N4BP2: variants seen among roughly 807,000 people sequenced by gnomAD.
N4BP2 encodes the protein NEDD4 binding protein 2, also known as NEDD4-binding protein 2.
A neutral mutation model predicts 152.8 loss-of-function variants in N4BP2; 91 were observed. That is an observed-to-expected ratio of 0.60 (90% CI 0.50 to 0.71). The LOEUF is 0.71. Ranked by LOEUF, N4BP2 falls within the 30% of genes least tolerant of loss-of-function variation. The pLI, the probability that N4BP2 is intolerant of heterozygous loss-of-function variation, is 0.00. For synonymous variants in N4BP2, 646 were observed against 705.3 expected (o/e 0.92, Z 1.33); for missense variants, 1,923 against 2,059.1 (o/e 0.93, Z 1.28).
intron 2 of N4BP2, among the ~76,000 whole-genome samples, chr4:40,086,558 G>A (rs1287146172): frequency 4.6e-5 from 7 of 151,644 alleles, no homozygotes; most frequent in East Asian, 1.9e-4. Context: ...GGCTGGTTTC[G>A]AATGCCTGAC....
At chr4:40,147,542 G>T (rs1382594347) in intron 16 of N4BP2, among the ~76,000 whole-genome samples, 1 of 146,482 alleles carries the variant, frequency 6.8e-6, no homozygotes. Context: ...GGGCAGAGGC[G>T]CCCCCCACCT....
At chr4:40,171,630 G>A in the N4BP2 span, among the ~76,000 whole-genome samples, 4 of 152,102 alleles carry the variant, frequency 2.6e-5, no homozygotes, top group Non-Finnish European at 5.9e-5. Context: ...TTCTCTAGAA[G>A]GACAGAACTA....
At chr4:40,153,933 T>A (rs1345790490) in intron 17 of N4BP2, among the ~76,000 whole-genome samples, 1 of 152,140 alleles carries the variant, frequency 6.6e-6, no homozygotes, top group Non-Finnish European at 1.5e-5. Flanking sequence ...AAAGGTAAAA[T>A]TCAGGCCTCA....
intron 16 of N4BP2, among the ~76,000 whole-genome samples, chr4:40,148,807 TC>T (rs1720866499): frequency 6.6e-6 from 1 of 152,152 alleles, no homozygotes; most frequent in African/African-American, 2.4e-5. Context: ...CTGTGCCTGG[TC>T]CCCTTTTTAT....
At chr4:40,097,938 C>CG (rs1273362954) in intron 3 of N4BP2, among the ~76,000 whole-genome samples, 1 of 152,146 alleles carries the variant, frequency 6.6e-6, no homozygotes, top group Admixed American at 6.5e-5. Context: ...GGCCTGTACA[C>CG]GCTAGATGCC....
At chr4:40,150,980 A>G (rs1721103437) in intron 16 of N4BP2, among the ~76,000 whole-genome samples, 1 of 152,202 alleles carries the variant, frequency 6.6e-6, no homozygotes, top group South Asian at 2.1e-4. Flanking sequence ...GTACTGAAAT[A>G]TTTGCAGTTG....
At chr4:40,071,762 C>T (rs377583496) in intron 1 of N4BP2, among the ~76,000 whole-genome samples, 13 of 152,116 alleles carry the variant, frequency 8.5e-5, no homozygotes, top group African/African-American at 2.4e-4. Context: ...GACGAAGTTT[C>T]GCCATATTGG....
chr4:40,096,382 G>A (rs1053917375), intron 2 of N4BP2, among the ~76,000 whole-genome samples: 2 of 152,178 alleles, frequency 1.3e-5, no homozygotes, highest in Non-Finnish European at 2.9e-5. Context: ...GAACCAAGGT[G>A]TAAAGGTTCC....
intron 2 of N4BP2, chr4:40,083,066 C>T (rs1055848144): frequency 1.7e-5 from 4 of 236,322 alleles, no homozygotes; most frequent in African/African-American, 4.6e-5. Flanking sequence ...TATACTTCAG[C>T]CCACGCCCTG....
chr4:40,081,353 AC>A (rs1345428070), intron 2 of N4BP2, among the ~76,000 whole-genome samples: 2 of 152,146 alleles, frequency 1.3e-5, no homozygotes, highest in Admixed American at 6.6e-5. Context: ...CTTTTAAAAA[AC>A]TACAGTGAAG....
rs183799111 is a variant in N4BP2, at chr4:40,102,595, T to C, written c.750T>C (p.Asn250=). 219 of 1,614,218 alleles carry C rather than the reference T, an allele frequency of 1.4e-4. 1 individual carries two copies. The East Asian group carries it at 4.8e-3, about 35-fold the overall frequency. ...PEDSLLSSSL[N]VASDSIAGCS... ...ATTCTCTTCTCAGTAGTTCTTTAAA[T>C]GTAGCAAGTGACTCCATCGCAGGTT... Residue 250 remains asparagine (N), a synonymous_variant, in exon 4 of 18, where the codon AAT becomes AAC. Coordinates refer to ENST00000261435, the MANE Select transcript of N4BP2 (RefSeq NM_018177.6).
rs1051631329 is a variant in N4BP2, at chr4:40,095,038, C to T, written c.-114-2189C>T. Among the ~76,000 whole-genome samples the T allele has an allele frequency of 2.3e-4, 34 of 150,952 alleles. 1 individual carries two copies. Among genetic ancestry groups the T allele is most frequent in the African/African-American group, 7.3e-4 (30 of 41,256 alleles). ...AGTGATCCTCCTGCCCATTGTCCAA[C>T]GTGCTGGGATTACAGTCGCGAGCCC... On this transcript the variant is annotated intron_variant, in intron 2 of 17. Transcript: ENST00000261435.
chr4:40,138,329 C>G (rs1455693703), intron 14 of N4BP2, among the ~76,000 whole-genome samples: 1 of 152,166 alleles, frequency 6.6e-6, no homozygotes, highest in African/African-American at 2.4e-5. Context: ...ATTCTAGATA[C>G]AAGTCCCCAG....
intron 1 of N4BP2, among the ~76,000 whole-genome samples, chr4:40,061,751 G>A (rs1459999208): frequency 6.7e-6 from 1 of 149,516 alleles, no homozygotes; most frequent in African/African-American, 2.5e-5. Flanking sequence ...TGCAACCTCC[G>A]CCTACCACAT....
chr4:40,071,825 C>CA (rs1461838818), intron 1 of N4BP2, among the ~76,000 whole-genome samples: 5 of 152,050 alleles, frequency 3.3e-5, no homozygotes, highest in Non-Finnish European at 1.5e-5. Context: ...CTTGGCCTCC[C>CA]AAAGTGCTGG....
At chr4:40,123,672 G>T (rs985016658) in intron 10 of N4BP2, among the ~76,000 whole-genome samples, 5 of 151,388 alleles carry the variant, frequency 3.3e-5, no homozygotes, top group African/African-American at 1.2e-4. Flanking sequence ...TTTTGTAGAG[G>T]CAAGGTCTCA....
At chr4:40,139,491 CT>C (rs1226118008) in intron 14 of N4BP2, among the ~76,000 whole-genome samples, 3,129 of 125,676 alleles carry the variant, frequency 0.025, 37 homozygotes, top group African/African-American at 0.083. Context: ...CAGCATTAGG[CT>C]TTTTTTTTTT....
chr4:40,178,750 C>T, the N4BP2 span, among the ~76,000 whole-genome samples: 18 of 152,054 alleles, frequency 1.2e-4, no homozygotes, highest in South Asian at 6.2e-4. Context: ...GTGTAGGGAA[C>T]GAACTTCCTT....
chr4:40,152,806 T>C lies in N4BP2; in HGVS notation c.5170T>C (p.Tyr1724His). 1.9e-6 allele frequency: 3 copies of C among 1,613,988 alleles called. No homozygotes were observed. The highest frequency in any genetic ancestry group is 2.2e-5 in the South Asian group (2 of 91,074). The change falls in exon 17 of 18, where the codon TAT becomes CAT. Residue 1724 changes from tyrosine (Y) to histidine (H), a missense_variant. By Grantham distance (83) the Tyr-to-His change is moderately conservative. Coordinates refer to ENST00000261435, the MANE Select transcript of N4BP2 (RefSeq NM_018177.6). ...EEFKQNGGKP[Y>H]LSVITGRGNH... ...ATTTAAGCAGAACGGTGGGAAGCCCTATTTGTCTGTGATTACGGGGAGAGG... is the reference window on the plus strand; with the variant it reads ...ATTTAAGCAGAACGGTGGGAAGCCCCATTTGTCTGTGATTACGGGGAGAGG...
Sources: allele counts gnomAD v4.1 joint callset (sites outside exome capture counted in the v4.1 genomes callset), GRCh38; gene constraint gnomAD v4.1.1; transcripts MANE v1.5; gene names NCBI Gene and HGNC (gene_info 2026-07-23, HGNC 2026-07-21).